The following DKK3 variants were observed in gnomAD, a reference collection of about 807,000 sequenced individuals.
The protein encoded by DKK3 is dickkopf-related protein 3.
In DKK3, 22 loss-of-function variants were observed where a neutral mutation model predicts 33.2. The ratio of observed to expected loss-of-function variants is 0.66; its 90% CI spans 0.47 to 0.95. The LOEUF is 0.95. Among genes scored for constraint, DKK3 ranks in the 40% least tolerant of loss-of-function variants. DKK3 has a pLI of 0.00. For synonymous variants in DKK3, 194 were observed against 188.8 expected, an observed-to-expected ratio of 1.03 and a Z score of -0.23; for missense variants, 398 against 458.4, an observed-to-expected ratio of 0.87 and a Z score of 1.20.
chr11:11,985,201 G>T (rs1848044116), intron 3 of DKK3, among the ~76,000 whole-genome samples: 1 of 152,160 alleles, frequency 6.6e-6, no homozygotes, highest in Non-Finnish European at 1.5e-5. Context: ...TAATGGTCTT[G>T]GTGCTTCCGG....
chr11:11,995,779 G>C (rs1196363856), intron 3 of DKK3, among the ~76,000 whole-genome samples: 1 of 152,258 alleles, frequency 6.6e-6, no homozygotes, highest in African/African-American at 2.4e-5. Flanking sequence ...CAGGCGGCAA[G>C]TGCAGCACAA....
At chr11:11,984,923 G>A (rs1848037496) in intron 3 of DKK3, among the ~76,000 whole-genome samples, 1 of 152,188 alleles carries the variant, frequency 6.6e-6, no homozygotes, top group African/African-American at 2.4e-5. Context: ...ACGGAAAGGG[G>A]TCTCCCAGAA....
chr11:12,003,725 G>A (rs1848478051), intron 1 of DKK3, among the ~76,000 whole-genome samples: 1 of 150,262 alleles, frequency 6.7e-6, no homozygotes, highest in African/African-American at 2.5e-5. Flanking sequence ...TTTTGACTAT[G>A]GGCTATTTTT....
At chr11:11,992,386 G>A (rs1160856395) in intron 3 of DKK3, among the ~76,000 whole-genome samples, 1 of 152,202 alleles carries the variant, frequency 6.6e-6, no homozygotes, top group African/African-American at 2.4e-5. Context: ...TGCCCGAGCT[G>A]TTAACCACCC....
At chr11:12,004,462 G>T (rs529653021) in intron 1 of DKK3, among the ~76,000 whole-genome samples, 1 of 152,334 alleles carries the variant, frequency 6.6e-6, no homozygotes, top group African/African-American at 2.4e-5. Context: ...AAGACTCTAA[G>T]TAAGTCTAGA....
intron 3 of DKK3, among the ~76,000 whole-genome samples, chr11:11,977,678 G>A (rs1056997167): frequency 7.2e-5 from 11 of 152,118 alleles, no homozygotes; most frequent in South Asian, 2.1e-4. Context: ...GAGCCTGGCC[G>A]GGGTCTATTC....
chr11:12,009,308 G>A (rs1379423840), upstream of DKK3: 1 of 982,716 alleles, frequency 1.0e-6, no homozygotes, highest in Non-Finnish European at 1.2e-6. Flanking sequence ...GGGTGCGGCA[G>A]CGCCGGTACC....
Position 11,965,868 on chromosome 11 carries a change from C to CTCTA in DKK3, c.767_770dup (p.Glu257AspfsTer4). ...GGCATCGGTCCAAGGCTCCATCAGG[C>CTCTA]TCTAGCTCCCAGGTGATGAGGTCCA... On this transcript the variant is annotated frameshift_variant, in exon 6 of 7. Coordinates refer to ENST00000683431, the MANE Select transcript of DKK3 (RefSeq NM_001018057.2). LOFTEE classifies it high-confidence loss of function. 1 of 1,614,196 alleles carries CTCTA rather than the reference C, an allele frequency of 6.2e-7. No individual in the cohort carries two copies. Among genetic ancestry groups the CTCTA allele is most frequent in the Middle Eastern group, 1.7e-4 (1 of 6,060 alleles).
intron 3 of DKK3, among the ~76,000 whole-genome samples, chr11:11,992,730 C>T (rs748536589): frequency 6.6e-6 from 1 of 152,114 alleles, no homozygotes; most frequent in Non-Finnish European, 1.5e-5. Context: ...CAGCCATCCC[C>T]CTTGTTTATA....
At chr11:11,993,392 A>C (rs1190312145) in intron 3 of DKK3, among the ~76,000 whole-genome samples, 1 of 151,860 alleles carries the variant, frequency 6.6e-6, no homozygotes, top group African/African-American at 2.4e-5. Context: ...TTTTCACTTA[A>C]TGTTTGATTG....
chr11:12,008,438 CAT>C lies in DKK3; in HGVS notation c.143_144del (p.Asn48ArgfsTer7). ...LSYPQEEATLNEMFREVEELM... is the reference protein window; with the variant it reads ...LSYPQEEATLXEMFREVEELM... The stretch of plus-strand genomic sequence containing the variant: ...AGTTCCTCAACCTCGCGGAACATCT[CAT>C]TGAGGGTGGCCTCCTCCTGCGGGTA... On this transcript the variant is annotated frameshift_variant, in exon 1 of 7. Coordinates refer to ENST00000683431, the MANE Select transcript of DKK3 (RefSeq NM_001018057.2). LOFTEE classifies it high-confidence loss of function. This position sits in a 1 kb window ranked among gnomAD's most constrained non-coding sequence, Gnocchi z 4.6. 1 of 1,611,422 alleles carries C rather than the reference CAT, an allele frequency of 6.2e-7. No individual in the cohort carries two copies. The highest frequency in any genetic ancestry group is 8.5e-7 in the Non-Finnish European group (1 of 1,179,630).
intron 3 of DKK3, among the ~76,000 whole-genome samples, chr11:11,992,959 C>T (rs1848217099): frequency 6.6e-6 from 1 of 152,106 alleles, no homozygotes; most frequent in Admixed American, 6.5e-5. Flanking sequence ...TATGATCACG[C>T]ACTGTTAACA....
intron 3 of DKK3, among the ~76,000 whole-genome samples, chr11:11,986,301 C>T (rs1848070043): frequency 6.6e-6 from 1 of 152,130 alleles, no homozygotes; most frequent in Non-Finnish European, 1.5e-5. Flanking sequence ...TGTCAATGGC[C>T]AACCTCTTCA....
At chr11:11,978,019 T>C (rs550300790) in intron 3 of DKK3, among the ~76,000 whole-genome samples, 1 of 152,340 alleles carries the variant, frequency 6.6e-6, no homozygotes, top group South Asian at 2.1e-4. Flanking sequence ...GAATAATATT[T>C]TCATACAGTA....
intron 3 of DKK3, among the ~76,000 whole-genome samples, chr11:11,980,836 C>T (rs1047172564): frequency 1.3e-5 from 2 of 152,142 alleles, no homozygotes; most frequent in Non-Finnish European, 2.9e-5. Flanking sequence ...TGTAAGTGCC[C>T]ACAGTTGGCT....
At chr11:11,970,895 A>G (rs1847710390) in intron 3 of DKK3, among the ~76,000 whole-genome samples, 1 of 152,244 alleles carries the variant, frequency 6.6e-6, no homozygotes, top group South Asian at 2.1e-4. Flanking sequence ...ACTGGAAAAC[A>G]GTAAATTTGT....
In DKK3 at chr11:11,998,696, G is replaced by A. The variant is rs375706260; in HGVS notation, c.435C>T (p.His145=). 9.9e-6 allele frequency: 16 copies of A among 1,613,396 alleles called. No homozygotes were observed. Among genetic ancestry groups the A allele is most frequent in the Middle Eastern group, 1.6e-4 (1 of 6,084 alleles). Residue 145 remains histidine (H), a splice_region_variant and synonymous_variant, in exon 3 of 7, where the codon CAC becomes CAT. Coordinates refer to ENST00000683431, the MANE Select transcript of DKK3 (RefSeq NM_001018057.2). ...AAGTACAGGGGAAATGACAACTTACGTGGCTCCTTCTGCCTTCTTCGTCTC... is the reference window on the plus strand; with the variant it reads ...AAGTACAGGGGAAATGACAACTTACATGGCTCCTTCTGCCTTCTTCGTCTC... The part of the protein sequence containing the change: ...SVGDEEGRRS[H]ECIIDEDCGP...
Position 11,964,671 on chromosome 11 carries a change from A to C in DKK3, c.846T>G (p.Tyr282Ter). Residue 282 changes from tyrosine (Y) to a stop codon, truncating the protein, a stop_gained, in exon 7 of 7, where the codon TAT (tyrosine) becomes TAG (stop). Transcript: ENST00000683431. LOFTEE classifies it low-confidence loss of function (END_TRUNC). ...LCQPHSHSLV[Y>*]VCKPTFVGSR... Reference sequence around the variant, plus strand: ...TCCCCACGAAGGTCGGCTTGCACACATACACCAGGCTGTGGCTGGGGAGAG... The same window carrying C: ...TCCCCACGAAGGTCGGCTTGCACACCTACACCAGGCTGTGGCTGGGGAGAG... 6.2e-7 allele frequency: 1 copy of C among 1,613,878 alleles called. No individual in the cohort carries two copies. The highest frequency in any genetic ancestry group is 8.5e-7 in the Non-Finnish European group (1 of 1,179,950).
rs1474457653 is a variant in DKK3, at chr11:11,965,465, C to T, written c.830+344G>A. ...CACTCCTGGCCTCCCCGTGGCCTCT[C>T]TGCCAGCTCCTTTTTCTCTGCTTAT... is the stretch of plus-strand genomic sequence containing the variant. On this transcript the variant is annotated intron_variant, in intron 6 of 6. Transcript: ENST00000683431. 2.0e-5 allele frequency among the ~76,000 whole-genome samples: 3 copies of T among 152,208 alleles called. No individual in the cohort carries two copies. In the East Asian group the frequency reaches 5.8e-4, roughly 29 times the overall value.
Sources: allele counts gnomAD v4.1 joint callset (sites outside exome capture counted in the v4.1 genomes callset), GRCh38; gene constraint gnomAD v4.1.1; non-coding constraint Gnocchi (gnomAD v3.1); transcripts MANE v1.5; gene names NCBI Gene and HGNC (gene_info 2026-07-23, HGNC 2026-07-21).